KCND2: variants seen among roughly 807,000 people sequenced by gnomAD.
KCND2 encodes the protein potassium voltage-gated channel subfamily D member 2, also known as A-type voltage-gated potassium channel KCND2.
In KCND2, 16 loss-of-function variants were observed where a neutral mutation model predicts 54.4. The observed-to-expected ratio is 0.29, with a 90% CI of 0.20 to 0.45. The LOEUF (loss-of-function observed/expected upper bound fraction) is 0.45, where lower values mean the gene tolerates loss of function less well. Among genes scored for constraint, KCND2 ranks in the 20% least tolerant of loss-of-function variants. The pLI, the probability that KCND2 is intolerant of heterozygous loss-of-function variation, is 1.00. For synonymous variants in KCND2, 317 were observed against 310.7 expected (o/e 1.02, Z -0.21); for missense variants, 486 against 824.2 (o/e 0.59, Z 5.02).
intron 1 of KCND2, among the ~76,000 whole-genome samples, chr7:120,429,120 G>A (rs1415141367): frequency 6.6e-6 from 1 of 152,182 alleles, no homozygotes; most frequent in African/African-American, 2.4e-5. Flanking sequence ...AACTCACGGT[G>A]TGGTACACAG....
intron 1 of KCND2, among the ~76,000 whole-genome samples, chr7:120,423,218 G>A (rs1409899367): frequency 6.6e-6 from 1 of 152,166 alleles, no homozygotes; most frequent in East Asian, 1.9e-4. Flanking sequence ...TAAACCAGAA[G>A]GGCATTGATA....
At chr7:120,344,544 G>A (rs537484372) in intron 1 of KCND2, among the ~76,000 whole-genome samples, 4 of 152,256 alleles carry the variant, frequency 2.6e-5, no homozygotes, top group African/African-American at 9.6e-5. Flanking sequence ...ACCGACTGAA[G>A]GATAAGATAG....
chr7:120,747,935 A>G lies in KCND2; in HGVS notation c.*77A>G. On this transcript the variant is annotated 3_prime_UTR_variant, in exon 6 of 6. Transcript: ENST00000331113. ...CTCAACATAGAAGAAAGAAGAAACA[A>G]TAAATATTCTGCAGATTAATGCAGC... The G allele has an allele frequency of 8.6e-7, 1 of 1,156,260 alleles. No individual in the cohort carries two copies. Among genetic ancestry groups the G allele is most frequent in the Non-Finnish European group, 1.3e-6 (1 of 786,756 alleles). 71.6% of individuals were successfully genotyped at this position (1,156,260 alleles called of 1,614,324 possible). A position where few individuals can be genotyped will look rare whatever the true frequency, so the allele number is the denominator to read the frequency against.
intron 1 of KCND2, among the ~76,000 whole-genome samples, chr7:120,366,051 G>T (rs1800673768): frequency 6.6e-6 from 1 of 152,130 alleles, no homozygotes; most frequent in South Asian, 2.1e-4. Flanking sequence ...TAGTAGAGAT[G>T]ATTCCAGTTA....
chr7:120,382,302 A>T (rs2116029548), intron 1 of KCND2, among the ~76,000 whole-genome samples: 1 of 152,022 alleles, frequency 6.6e-6, no homozygotes, highest in South Asian at 2.1e-4. Flanking sequence ...GAGCACAAGG[A>T]TGAAAATTTT....
chr7:120,393,036 CA>C (rs1801100977), intron 1 of KCND2, among the ~76,000 whole-genome samples: 1 of 151,916 alleles, frequency 6.6e-6, no homozygotes, highest in African/African-American at 2.4e-5. Context: ...ATGTTTGACA[CA>C]ATGTGAAAAA....
chr7:120,633,192 G>A (rs770895139), intron 1 of KCND2, among the ~76,000 whole-genome samples: 1 of 152,118 alleles, frequency 6.6e-6, no homozygotes, highest in Non-Finnish European at 1.5e-5. Flanking sequence ...AAGTCAATTT[G>A]TCCCCTACTG....
intron 1 of KCND2, among the ~76,000 whole-genome samples, chr7:120,716,046 G>A (rs1792598489): frequency 1.3e-5 from 2 of 151,988 alleles, no homozygotes; most frequent in African/African-American, 4.8e-5. Flanking sequence ...GTAAGGCTAA[G>A]CCAAATTCCA....
At chr7:120,403,314 G>GTTT (rs72376752) in intron 1 of KCND2, among the ~76,000 whole-genome samples, 6 of 143,558 alleles carry the variant, frequency 4.2e-5, no homozygotes, top group African/African-American at 1.3e-4. Flanking sequence ...TATTATTCAT[G>GTTT]TTTTTTTTTT....
In KCND2 at chr7:120,355,851, T is replaced by C. The variant is rs753488433; in HGVS notation, c.1115+80104T>C. On this transcript the variant is annotated intron_variant, in intron 1 of 5. Coordinates refer to ENST00000331113, the MANE Select transcript of KCND2 (RefSeq NM_012281.3). ...ATCGAAATTTGTTGTTATTTAGTAT[T>C]TCTGAGTAACTTCCACTTGATATAA... Among the ~76,000 whole-genome samples the C allele has an allele frequency of 5.3e-5, 8 of 152,326 alleles. No homozygotes were observed. The South Asian group carries it at 1.2e-3, about 24-fold the overall frequency.
chr7:120,642,673 C>T (rs1793393308), intron 1 of KCND2, among the ~76,000 whole-genome samples: 1 of 151,784 alleles, frequency 6.6e-6, no homozygotes, highest in Admixed American at 6.6e-5. Flanking sequence ...TGTTCCACCG[C>T]TTTAAGGCAG....
chr7:120,337,727 C>T (rs1446478284), intron 1 of KCND2, among the ~76,000 whole-genome samples: 16 of 152,006 alleles, frequency 1.1e-4, no homozygotes, highest in Admixed American at 1.0e-3. Flanking sequence ...CTAGAAAGAG[C>T]AAAAGGAAGA....
chr7:120,383,705 T>C lies in KCND2; in HGVS notation c.1115+107958T>C, dbSNP rs144958097. ...CTGTATACACCTCCCCACACATGTG[T>C]GTGAACTGGGTTATCCCTTTATATC... On this transcript the variant is annotated intron_variant, in intron 1 of 5. Transcript: ENST00000331113. 2.0e-4 allele frequency among the ~76,000 whole-genome samples: 30 copies of C among 152,204 alleles called. No individual in the cohort carries two copies. In the East Asian group the frequency reaches 3.5e-3, roughly 18 times the overall value.
chr7:120,594,564 G>A (rs769949638), intron 1 of KCND2, among the ~76,000 whole-genome samples: 5 of 152,162 alleles, frequency 3.3e-5, no homozygotes, highest in Non-Finnish European at 4.4e-5. Context: ...CTATTTCAAC[G>A]TGTGAATTTT....
At chr7:120,656,057 C>A (rs1209333466) in intron 1 of KCND2, among the ~76,000 whole-genome samples, 1 of 151,962 alleles carries the variant, frequency 6.6e-6, no homozygotes, top group Admixed American at 6.6e-5. Flanking sequence ...TTAGTTCATT[C>A]TTTTATACAA....
rs368667977 is a variant in KCND2 at position 120,732,885 on chromosome 7, A to T, written c.1116-18A>T. The T allele has an allele frequency of 1.5e-4, 233 of 1,602,268 alleles. 2 individuals are homozygous for T. The highest frequency in any genetic ancestry group is 8.9e-4 in the South Asian group (81 of 90,802). ...CTGTGACTTAAAACAATATATATATATTTTTTCTTTAACTCAGGTATGGTG... is the reference window on the plus strand; with the variant it reads ...CTGTGACTTAAAACAATATATATATTTTTTTTCTTTAACTCAGGTATGGTG... On this transcript the variant is annotated intron_variant, in intron 1 of 5. Transcript: ENST00000331113.
At chr7:120,637,045 A>C (rs1271758045) in intron 1 of KCND2, among the ~76,000 whole-genome samples, 1 of 152,214 alleles carries the variant, frequency 6.6e-6, no homozygotes, top group East Asian at 1.9e-4. Context: ...AATTTTATTC[A>C]ACAGGCATAC....
intron 1 of KCND2, among the ~76,000 whole-genome samples, chr7:120,391,315 A>G (rs1409090213): frequency 6.6e-6 from 1 of 152,078 alleles, no homozygotes; most frequent in Non-Finnish European, 1.5e-5. Flanking sequence ...CCAGTCTATC[A>G]TTGATGGGAA....
chr7:120,664,649 A>G (rs1447182020), intron 1 of KCND2, among the ~76,000 whole-genome samples: 1 of 152,098 alleles, frequency 6.6e-6, no homozygotes, highest in Non-Finnish European at 1.5e-5. Context: ...TTTCAAGCAC[A>G]AGTAAAATTA....
Sources: gnomAD v4.1 joint callset for allele counts (sites outside exome capture counted in the v4.1 genomes callset) on GRCh38, gnomAD v4.1.1 for gene constraint, MANE v1.5 for transcripts, NCBI Gene and HGNC (gene_info 2026-07-23, HGNC 2026-07-21) for gene names.